The following NEDD4L variants were observed in gnomAD, a reference collection of about 807,000 sequenced individuals.
NEDD4L encodes E3 ubiquitin-protein ligase NEDD4-like.
In NEDD4L, 54 loss-of-function variants were observed where a neutral mutation model predicts 148.9. That is an observed-to-expected ratio of 0.36 (90% confidence interval 0.29 to 0.45). The LOEUF (loss-of-function observed/expected upper bound fraction) is 0.45. Among genes scored for constraint, NEDD4L ranks in the 20% least tolerant of loss-of-function variants. NEDD4L has a pLI of 1.00. For synonymous variants in NEDD4L, 433 were observed against 440.7 expected (o/e 0.98, Z 0.22); for missense variants, 856 against 1,233.8 (o/e 0.69, Z 4.59).
At chr18:58,348,015 G>T (rs1372251845) in intron 16 of NEDD4L, among the ~76,000 whole-genome samples, 1 of 151,696 alleles carries the variant, frequency 6.6e-6, no homozygotes, top group Non-Finnish European at 1.5e-5. Flanking sequence ...GTTTTTGGAG[G>T]CAAGACTCAC....
intron 2 of NEDD4L, among the ~76,000 whole-genome samples, chr18:58,234,203 G>GCCTCCCTCCCTCCCTTCCTT (rs2045706706): frequency 9.8e-6 from 1 of 101,596 alleles, no homozygotes; most frequent in Non-Finnish European, 1.9e-5. Context: ...CCCCCTTCCT[G>GCCTCCCTCCCTCCCTTCCTT]CCTCCCTCCC....
intron 1 of NEDD4L, among the ~76,000 whole-genome samples, chr18:58,067,802 G>T (rs1028015940): frequency 6.6e-6 from 1 of 152,210 alleles, no homozygotes; most frequent in Non-Finnish European, 1.5e-5. Flanking sequence ...GAAGCTGGCA[G>T]TCTTAGTTGG....
chr18:58,251,090 C>T (rs1471709736), intron 4 of NEDD4L, among the ~76,000 whole-genome samples: 1 of 152,144 alleles, frequency 6.6e-6, no homozygotes, highest in Admixed American at 6.5e-5. Context: ...GCTGTGGGCT[C>T]TTGGGCAAGT....
chr18:58,291,840 G>A (rs991249809), intron 5 of NEDD4L, among the ~76,000 whole-genome samples: 2 of 152,062 alleles, frequency 1.3e-5, no homozygotes, highest in African/African-American at 2.4e-5. Flanking sequence ...GTATAAAGAT[G>A]TATTCAGTTT....
At chr18:58,167,491 A>G (rs1244616944) in intron 2 of NEDD4L, among the ~76,000 whole-genome samples, 1 of 152,188 alleles carries the variant, frequency 6.6e-6, no homozygotes, top group Non-Finnish European at 1.5e-5. Context: ...GAAAATTCCA[A>G]GAAAGAAAAT....
chr18:58,126,163 C>A (rs4941332), intron 1 of NEDD4L, among the ~76,000 whole-genome samples: 1 of 152,140 alleles, frequency 6.6e-6, no homozygotes, highest in Non-Finnish European at 1.5e-5. Context: ...TACAATTCAC[C>A]CATTTAATGG....
chr18:58,391,625 G>C, intron 30 of NEDD4L, 66 bp downstream of exon 30: 1 of 1,136,316 alleles, frequency 8.8e-7, no homozygotes, highest in Middle Eastern at 1.9e-4. Context: ...ATGGTGCTGG[G>C]CTCAAGGCTA....
At chr18:58,281,364 A>G (rs910409340) in intron 5 of NEDD4L, among the ~76,000 whole-genome samples, 3 of 151,876 alleles carry the variant, frequency 2.0e-5, no homozygotes, top group African/African-American at 4.8e-5. Flanking sequence ...AAGACTTCCA[A>G]CAGAATACCT....
At chr18:58,279,577 G>GT (rs2148939956) in intron 5 of NEDD4L, among the ~76,000 whole-genome samples, 1 of 152,320 alleles carries the variant, frequency 6.6e-6, no homozygotes, top group South Asian at 2.1e-4. Flanking sequence ...GTTGAAGCAG[G>GT]TATGTGGATG....
chr18:58,334,137 T>C lies in NEDD4L; in HGVS notation c.1065+245T>C, dbSNP rs1054681146. Reference sequence around the variant, plus strand: ...TTTTTCACCCAAATTTATACCAATTTTGATTTGCTCACTTAAACCTCTTGG... The same window carrying C: ...TTTTTCACCCAAATTTATACCAATTCTGATTTGCTCACTTAAACCTCTTGG... On this transcript the variant is annotated intron_variant, in intron 12 of 30. Transcript: ENST00000400345. 5.4e-5 allele frequency: 23 copies of C among 429,740 alleles called. 2 individuals are homozygous for C. In the South Asian group the frequency reaches 1.0e-3, roughly 20 times the overall value. The allele number at this position is 429,740 out of a possible 1,614,324, so 26.6% of individuals were successfully genotyped here.
At chr18:58,051,772 CTA>C in intron 1 of NEDD4L, among the ~76,000 whole-genome samples, 1 of 152,160 alleles carries the variant, frequency 6.6e-6, no homozygotes, top group Admixed American at 6.5e-5. Flanking sequence ...ATAAAGCAAA[CTA>C]TATGTTGATC....
At chr18:58,207,747 G>C (rs1398635459) in intron 2 of NEDD4L, among the ~76,000 whole-genome samples, 1 of 152,188 alleles carries the variant, frequency 6.6e-6, no homozygotes, top group Non-Finnish European at 1.5e-5. Context: ...CAGGATCTGA[G>C]GTTGCTTAAG....
intron 1 of NEDD4L, among the ~76,000 whole-genome samples, chr18:58,052,092 A>G (rs1277297440): frequency 6.6e-6 from 1 of 152,250 alleles, no homozygotes; most frequent in Non-Finnish European, 1.5e-5. Flanking sequence ...TTAGAAAACT[A>G]GAAACTAGAT....
intron 19 of NEDD4L, among the ~76,000 whole-genome samples, chr18:58,360,768 G>A (rs2045365966): frequency 6.6e-6 from 1 of 151,820 alleles, no homozygotes; most frequent in Admixed American, 6.6e-5. Context: ...GTGTGTGTGT[G>A]TGTGTACATG....
intron 1 of NEDD4L, among the ~76,000 whole-genome samples, chr18:58,101,114 AAT>A (rs1203634123): frequency 6.6e-6 from 1 of 152,202 alleles, no homozygotes; most frequent in Non-Finnish European, 1.5e-5. Flanking sequence ...ATGAAAAAGA[AAT>A]AACTTGATTA....
At chr18:58,142,836 T>G (rs1178715713) in intron 1 of NEDD4L, among the ~76,000 whole-genome samples, 1 of 49,968 alleles carries the variant, frequency 2.0e-5, no homozygotes, top group Admixed American at 3.0e-4. Flanking sequence ...CCTTTTATCA[T>G]TTTTTTTTCA....
chr18:58,088,009 C>G (rs2083852702), intron 1 of NEDD4L, among the ~76,000 whole-genome samples: 1 of 152,214 alleles, frequency 6.6e-6, no homozygotes, highest in South Asian at 2.1e-4. Flanking sequence ...CCCGCTAGGG[C>G]TTGGGTGGGA....
At chr18:58,323,799 C>G (rs8083963) in intron 8 of NEDD4L, among the ~76,000 whole-genome samples, 1 of 151,950 alleles carries the variant, frequency 6.6e-6, no homozygotes, top group African/African-American at 2.4e-5. Flanking sequence ...CATTCTGCAA[C>G]GAGCTGACCA....
intron 2 of NEDD4L, among the ~76,000 whole-genome samples, chr18:58,181,712 C>T (rs982280978): frequency 2.0e-5 from 3 of 152,146 alleles, no homozygotes; most frequent in Non-Finnish European, 2.9e-5. Flanking sequence ...AGGAATTCCT[C>T]ATATAGAAAA....
Sources: allele counts gnomAD v4.1 joint callset (sites outside exome capture counted in the v4.1 genomes callset), GRCh38; gene constraint gnomAD v4.1.1; transcripts MANE v1.5; gene names NCBI Gene and HGNC (gene_info 2026-07-23, HGNC 2026-07-21).